Variants in PHF14 observed in about 807,000 individuals in gnomAD.
PHF14 encodes PHD finger protein 14.
In PHF14, 55 loss-of-function variants were observed where a neutral mutation model predicts 117.9. The observed-to-expected ratio is 0.47, with a 90% confidence interval of 0.38 to 0.58. The LOEUF is 0.58. Ranked by LOEUF, PHF14 falls within the 20% of genes least tolerant of loss-of-function variation. The pLI, the probability that PHF14 is intolerant of heterozygous loss-of-function variation, is 0.00. For synonymous variants in PHF14, 409 were observed against 368.6 expected (o/e 1.11, Z -1.26); for missense variants, 978 against 1,122.2 (o/e 0.87, Z 1.84).
intron 17 of PHF14, among the ~76,000 whole-genome samples, chr7:11,162,072 CTTTTTTTTTTTTTT>C (rs564998009): frequency 3.0e-4 from 21 of 70,300 alleles, no homozygotes; most frequent in African/African-American, 6.6e-4. Flanking sequence ...AAAAATATGT[CTTTTTTTTTTTTTT>C]TTTTTTTTTT....
chr7:11,106,183 T>G (rs1324590879), intron 16 of PHF14: 1 of 979,020 alleles, frequency 1.0e-6, no homozygotes, highest in Non-Finnish European at 1.2e-6. Context: ...GCCACAGATA[T>G]AGCTAACTGA....
intron 11 of PHF14, 106 bp from the exon 12 acceptor site, chr7:11,040,566 C>A: frequency 2.2e-6 from 1 of 445,026 alleles, no homozygotes; most frequent in Non-Finnish European, 4.0e-6. Context: ...CAGATTTCCC[C>A]CTAACAATCC....
chr7:10,974,451 C>T lies in PHF14; in HGVS notation c.1+127C>T, dbSNP rs1015733942. ...GCAGGATTGGTGGACCCTCGCCCTC[C>T]ATGGTCCGCGGGAATGAAGCCCGCT... On this transcript the variant is annotated intron_variant, in intron 1 of 17. Transcript: ENST00000634607. 8 of 820,506 alleles carry T rather than the reference C, an allele frequency of 9.8e-6. No homozygotes were observed. The African/African-American group carries it at 1.0e-4, about 10-fold the overall frequency. 50.8% of individuals were successfully genotyped at this position (820,506 alleles called of 1,614,324 possible).
chr7:11,106,320 T>G, intron 16 of PHF14: 1 of 978,796 alleles, frequency 1.0e-6, no homozygotes, highest in Non-Finnish European at 1.2e-6. Flanking sequence ...CATTCATTAT[T>G]GGCTGATACA....
intron 16 of PHF14, among the ~76,000 whole-genome samples, chr7:11,086,295 C>T (rs1204483757): frequency 6.6e-6 from 1 of 152,210 alleles, no homozygotes; most frequent in Non-Finnish European, 1.5e-5. Context: ...AACCCAGCCT[C>T]AGTCTGTCTT....
chr7:11,090,414 T>C (rs780407466), intron 16 of PHF14, among the ~76,000 whole-genome samples: 29 of 152,224 alleles, frequency 1.9e-4, no homozygotes, highest in Admixed American at 5.2e-4. Flanking sequence ...ACTTTCCTTA[T>C]AAGTGACTGA....
chr7:11,015,069 T>C (rs1288963386), intron 5 of PHF14: 2 of 152,134 alleles, frequency 1.3e-5, no homozygotes, highest in African/African-American at 4.8e-5. Flanking sequence ...TTATTAAACA[T>C]GCTTTATATT....
chr7:11,137,260 T>C (rs930106743), intron 17 of PHF14, among the ~76,000 whole-genome samples: 1 of 152,198 alleles, frequency 6.6e-6, no homozygotes, highest in African/African-American at 2.4e-5. Context: ...GATCAATTGC[T>C]TGATCTTAAA....
intron 7 of PHF14, among the ~76,000 whole-genome samples, chr7:11,031,543 A>G (rs917703729): frequency 1.5e-4 from 23 of 150,508 alleles, no homozygotes; most frequent in African/African-American, 5.6e-4. Context: ...GCTTGAGGCC[A>G]GGAGTTTGAG....
intron 14 of PHF14, among the ~76,000 whole-genome samples, chr7:11,061,117 T>G (rs17149838): frequency 0.025 from 3,878 of 152,238 alleles, 132 homozygotes; most frequent in East Asian, 0.1. Flanking sequence ...GATTGGTGGA[T>G]ATTTCTAACA....
chr7:11,088,448 A>G (rs972046576), intron 16 of PHF14, among the ~76,000 whole-genome samples: 4 of 152,030 alleles, frequency 2.6e-5, no homozygotes, highest in African/African-American at 9.7e-5. Context: ...ATTTCCCAAC[A>G]TGAGAAATTG....
chr7:11,147,724 G>T (rs894261756), intron 17 of PHF14, among the ~76,000 whole-genome samples: 3 of 152,034 alleles, frequency 2.0e-5, no homozygotes. Flanking sequence ...TATTAGTAAC[G>T]CTTGGTCATT....
At chr7:11,032,014 G>A (rs187230040) in intron 7 of PHF14, among the ~76,000 whole-genome samples, 1 of 152,192 alleles carries the variant, frequency 6.6e-6, no homozygotes, top group African/African-American at 2.4e-5. Context: ...CAGTACTTTG[G>A]GAGGCCAAGC....
chr7:10,991,024 T>G (rs1225432713), intron 4 of PHF14, among the ~76,000 whole-genome samples, 177 bp downstream of exon 4: 1 of 152,154 alleles, frequency 6.6e-6, no homozygotes, highest in African/African-American at 2.4e-5. Context: ...GGAGTCTCAC[T>G]GTGTCGCCCA....
chr7:10,987,156 G>C (rs1349455611), intron 3 of PHF14, among the ~76,000 whole-genome samples: 3 of 152,074 alleles, frequency 2.0e-5, no homozygotes, highest in Admixed American at 2.0e-4. Flanking sequence ...ATTGCAAAAT[G>C]AAACAAATTG....
At chr7:11,071,107 C>G (rs1231145981) in intron 16 of PHF14, among the ~76,000 whole-genome samples, 3 of 152,134 alleles carry the variant, frequency 2.0e-5, no homozygotes, top group African/African-American at 7.2e-5. Flanking sequence ...GAGATCTCAA[C>G]TAGTTTAAGC....
intron 4 of PHF14, among the ~76,000 whole-genome samples, chr7:10,993,606 T>A (rs1039167220): frequency 6.6e-6 from 1 of 152,162 alleles, no homozygotes; most frequent in African/African-American, 2.4e-5. Flanking sequence ...CCAATAAATA[T>A]CTCTTAGTTG....
At chr7:11,122,398 C>CATATATATATACACGT (rs1554275332) in intron 17 of PHF14, among the ~76,000 whole-genome samples, 106 of 123,542 alleles carry the variant, frequency 8.6e-4, no homozygotes, top group Admixed American at 1.4e-3. Flanking sequence ...CATACACACA[C>CATATATATATACACGT]ATATATATAT....
intron 4 of PHF14, among the ~76,000 whole-genome samples, chr7:10,993,260 C>G (rs1196245439): frequency 1.3e-5 from 2 of 152,162 alleles, no homozygotes; most frequent in South Asian, 2.1e-4. Flanking sequence ...GTGACTACCA[C>G]AAAACAGTAT....
Sources: gnomAD v4.1 joint callset for allele counts (sites outside exome capture counted in the v4.1 genomes callset) on GRCh38, gnomAD v4.1.1 for gene constraint, MANE v1.5 for transcripts, NCBI Gene and HGNC (gene_info 2026-07-23, HGNC 2026-07-21) for gene names.